SGCZ: variants seen among roughly 807,000 people sequenced by gnomAD.
SGCZ encodes the protein zeta-sarcoglycan.
SGCZ carries 40 observed loss-of-function variants against 41.3 expected under a neutral mutation model. The observed-to-expected ratio is 0.97, with a 90% CI of 0.75 to 1.26. The LOEUF is 1.26. SGCZ is among the 50% of genes most tolerant of loss of function. SGCZ has a pLI of 0.00. For missense variants in SGCZ, 552 were observed against 369.8 expected (o/e 1.49, Z -4.04); for synonymous variants, 206 against 137.5 (o/e 1.50, Z -3.49).
chr8:14,625,014 T>C (rs1284759652), intron 1 of SGCZ, among the ~76,000 whole-genome samples: 1 of 152,144 alleles, frequency 6.6e-6, no homozygotes, highest in African/African-American at 2.4e-5. Flanking sequence ...CTTCTGTTAG[T>C]CATTTTTTTT....
intron 1 of SGCZ, among the ~76,000 whole-genome samples, chr8:15,210,348 T>C (rs1029515049): frequency 2.6e-5 from 4 of 152,112 alleles, no homozygotes; most frequent in Admixed American, 6.6e-5. Context: ...TGGCTCTCTC[T>C]CCTCCCAATA....
chr8:14,956,477 A>G (rs926813440), intron 1 of SGCZ, among the ~76,000 whole-genome samples: 8 of 152,132 alleles, frequency 5.3e-5, no homozygotes, highest in African/African-American at 1.7e-4. Context: ...TATTTTACAT[A>G]TTTTTATAAC....
intron 1 of SGCZ, among the ~76,000 whole-genome samples, chr8:15,151,845 A>G (rs997368648): frequency 6.6e-5 from 10 of 152,230 alleles, no homozygotes; most frequent in African/African-American, 2.4e-4. Context: ...TGATCCATCA[A>G]TATACTGGCT....
intron 1 of SGCZ, among the ~76,000 whole-genome samples, chr8:15,013,322 T>C (rs923962732): frequency 6.6e-6 from 1 of 152,154 alleles, no homozygotes; most frequent in East Asian, 1.9e-4. Context: ...ATGACCTGGA[T>C]AATGGAATCA....
rs147254282 is a variant in SGCZ at position 15,145,474 on chromosome 8, T to C, written c.39+92111A>G. On this transcript the variant is annotated intron_variant, in intron 1 of 7. Transcript: ENST00000382080. ...GCCACTTAGTATCTCGGAACTTCTGTCTTCTTTTTTTACACAGTTTCTCAC... is the reference window on the plus strand; with the variant it reads ...GCCACTTAGTATCTCGGAACTTCTGCCTTCTTTTTTTACACAGTTTCTCAC... Among the ~76,000 whole-genome samples the C allele has an allele frequency of 1.8e-3, 276 of 152,210 alleles. 6 individuals carry two copies. The East Asian group carries it at 0.044, about 24-fold the overall frequency.
rs534160104 is a variant in SGCZ at position 15,231,813 on chromosome 8, G to T, written c.39+5772C>A. On this transcript the variant is annotated intron_variant, in intron 1 of 7. Transcript: ENST00000382080. ...ATTTTTGTATTTTTAGTAGAAACAGGGTTTCACCGTGTTGGCCAGGCTGGT... is the reference window on the plus strand; with the variant it reads ...ATTTTTGTATTTTTAGTAGAAACAGTGTTTCACCGTGTTGGCCAGGCTGGT... Among the ~76,000 whole-genome samples the T allele has an allele frequency of 5.1e-4, 77 of 151,764 alleles. 1 individual carries two copies. The highest frequency in any genetic ancestry group is 6.9e-3 in the Middle Eastern group (2 of 290).
Position 14,840,454 on chromosome 8 carries a change from AC to A in SGCZ, c.40-285529del. Among the ~76,000 whole-genome samples, 3 of 152,226 alleles carry A rather than the reference AC, an allele frequency of 2.0e-5. No homozygotes were observed. The South Asian group carries it at 6.2e-4, about 32-fold the overall frequency. ...CAATGTTGCGGAAAACAATATATCA[AC>A]GTTCCGTGGCCAGGAAAAGCTGTGA... On this transcript the variant is annotated intron_variant, in intron 1 of 7. Coordinates refer to ENST00000382080, the MANE Select transcript of SGCZ (RefSeq NM_139167.4).
At chr8:14,181,740 G>C (rs1015879364) in intron 4 of SGCZ, among the ~76,000 whole-genome samples, 9 of 152,082 alleles carry the variant, frequency 5.9e-5, no homozygotes, top group African/African-American at 1.9e-4. Flanking sequence ...TTCTTCCTTT[G>C]TCTTCCGCCA....
intron 1 of SGCZ, among the ~76,000 whole-genome samples, chr8:14,971,310 G>A (rs571029241): frequency 7.2e-5 from 11 of 151,912 alleles, no homozygotes; most frequent in South Asian, 2.1e-4. Context: ...GTATAATACC[G>A]AATAGAAATA....
chr8:14,695,887 G>C (rs915896903), intron 1 of SGCZ, among the ~76,000 whole-genome samples: 6 of 151,990 alleles, frequency 3.9e-5, no homozygotes, highest in Non-Finnish European at 8.8e-5. Flanking sequence ...TAGTTAATGA[G>C]CTGAGGGTCA....
chr8:15,134,797 A>C (rs1464561251), intron 1 of SGCZ, among the ~76,000 whole-genome samples: 1 of 152,244 alleles, frequency 6.6e-6, no homozygotes, highest in African/African-American at 2.4e-5. Flanking sequence ...ACTGTGTAAC[A>C]GAAAGAAAAA....
chr8:14,719,871 T>C (rs576544031), intron 1 of SGCZ, among the ~76,000 whole-genome samples: 146 of 152,210 alleles, frequency 9.6e-4, no homozygotes, highest in African/African-American at 3.3e-3. Context: ...AGATCCCATT[T>C]GTCAATTTTG....
At chr8:14,558,280 T>C (rs566236398) in intron 1 of SGCZ, among the ~76,000 whole-genome samples, 29 of 152,034 alleles carry the variant, frequency 1.9e-4, no homozygotes, top group African/African-American at 6.3e-4. Flanking sequence ...TTCCAAAAGA[T>C]AGAGTAAGAG....
At chr8:15,213,627 A>G (rs1801307277) in intron 1 of SGCZ, among the ~76,000 whole-genome samples, 1 of 151,798 alleles carries the variant, frequency 6.6e-6, no homozygotes, top group Admixed American at 6.6e-5. Flanking sequence ...TCCTACATAG[A>G]TTTATAAATT....
At chr8:14,450,825 G>C (rs539196735) in intron 2 of SGCZ, among the ~76,000 whole-genome samples, 1 of 152,270 alleles carries the variant, frequency 6.6e-6, no homozygotes, top group African/African-American at 2.4e-5. Context: ...AATTACCTGG[G>C]CTTCAGCTCT....
chr8:14,933,174 C>G (rs942398055), intron 1 of SGCZ, among the ~76,000 whole-genome samples: 2 of 151,862 alleles, frequency 1.3e-5, no homozygotes, highest in African/African-American at 4.9e-5. Context: ...GTACAGCAAA[C>G]GTCAGAAACA....
chr8:14,232,330 C>T (rs772250125), intron 4 of SGCZ, among the ~76,000 whole-genome samples: 7 of 151,938 alleles, frequency 4.6e-5, no homozygotes, highest in African/African-American at 9.7e-5. Flanking sequence ...AACCAGTCAA[C>T]TCTGCTACAA....
intron 3 of SGCZ, among the ~76,000 whole-genome samples, chr8:14,285,807 TA>T (rs989525979): frequency 6.6e-6 from 1 of 151,990 alleles, no homozygotes; most frequent in Non-Finnish European, 1.5e-5. Flanking sequence ...TCAATATCAG[TA>T]AAGAGTGGAG....
rs141369343 is a variant in SGCZ at position 14,842,231 on chromosome 8, T to C, written c.40-287305A>G. Among the ~76,000 whole-genome samples, 656 of 152,246 alleles carry C rather than the reference T, an allele frequency of 4.3e-3. 4 individuals carry two copies. Among genetic ancestry groups the C allele is most frequent in the South Asian group, 0.018 (85 of 4,826 alleles). On this transcript the variant is annotated intron_variant, in intron 1 of 7. Coordinates refer to ENST00000382080, the MANE Select transcript of SGCZ (RefSeq NM_139167.4). ...GAGCAGTGATTAGCAAATGTTTTCC[T>C]GCCTTTCTGATATCGAAACTGACAT...
Sources: gnomAD v4.1 joint callset for allele counts (sites outside exome capture counted in the v4.1 genomes callset) on GRCh38, gnomAD v4.1.1 for gene constraint, MANE v1.5 for transcripts, NCBI Gene and HGNC (gene_info 2026-07-23, HGNC 2026-07-21) for gene names.